SFSWAP: variants seen among roughly 807,000 people sequenced by gnomAD.
The protein encoded by SFSWAP is splicing factor SWAP, also known as splicing factor, suppressor of white-apricot homolog.
SFSWAP carries 17 observed loss-of-function variants against 100.7 expected under a neutral mutation model. The ratio of observed to expected loss-of-function variants is 0.17; its 90% CI spans 0.12 to 0.25. The LOEUF (loss-of-function observed/expected upper bound fraction) is 0.25. Among genes scored for constraint, SFSWAP ranks in the 10% least tolerant of loss-of-function variants. SFSWAP has a pLI of 1.00. For synonymous variants in SFSWAP, 504 were observed against 510.1 expected, an observed-to-expected ratio of 0.99 and a Z score of 0.16; for missense variants, 1,005 against 1,262.6, an observed-to-expected ratio of 0.80 and a Z score of 3.09.
chr12:131,754,573 A>G lies in SFSWAP; in HGVS notation c.1454+74A>G, dbSNP rs1225371841. 4.3e-6 allele frequency: 4 copies of G among 938,008 alleles called. No homozygotes were observed. The East Asian group carries it at 2.2e-4, about 52-fold the overall frequency. The allele number at this position is 938,008 out of a possible 1,614,324, so 58.1% of individuals were successfully genotyped here. A position where few individuals can be genotyped will look rare whatever the true frequency, so the allele number is the denominator to read the frequency against. ...GTTTAGCCTTTTTTTAAAAAAATGT[A>G]GGTACAGAATTAATTTTTTTATATA... On this transcript the variant is annotated intron_variant, in intron 9 of 17. Transcript: ENST00000261674.
At chr12:131,785,818 T>C (rs897551728) in intron 14 of SFSWAP, 1 of 153,146 alleles carries the variant, frequency 6.5e-6, no homozygotes, top group Non-Finnish European at 1.5e-5. Flanking sequence ...CATTTCCAAA[T>C]TGGATTGAAG....
chr12:131,746,831 A>T (rs1566023419), intron 7 of SFSWAP, among the ~76,000 whole-genome samples: 1 of 152,314 alleles, frequency 6.6e-6, no homozygotes, highest in East Asian at 1.9e-4. Flanking sequence ...CTGGCCGGGC[A>T]TGCTGGCTCA....
chr12:131,763,337 G>T (rs1882834962), intron 11 of SFSWAP, among the ~76,000 whole-genome samples: 2 of 152,170 alleles, frequency 1.3e-5, no homozygotes, highest in Non-Finnish European at 2.9e-5. Context: ...GGTGCACTTA[G>T]CATCCCCTTC....
At chr12:131,766,521 C>T (rs575369957) in intron 13 of SFSWAP, among the ~76,000 whole-genome samples, 4 of 152,222 alleles carry the variant, frequency 2.6e-5, no homozygotes, top group Non-Finnish European at 5.9e-5. Flanking sequence ...GTCACGCCAG[C>T]AGCAAACACT....
At position 131,714,229 on chromosome 12, in the gene SFSWAP, A is replaced by C; in HGVS notation, c.377A>C (p.Glu126Ala). 1 of 1,612,628 alleles carries C rather than the reference A, an allele frequency of 6.2e-7. No individual in the cohort carries two copies. Among genetic ancestry groups the C allele is most frequent in the Non-Finnish European group, 8.5e-7 (1 of 1,179,054 alleles). The change falls in exon 2 of 18, where the codon GAG becomes GCG. Residue 126 changes from glutamate (E) to alanine (A), a missense_variant. This residue lies in a region of SFSWAP where 237 missense variants were observed against 337.0 expected (regional missense o/e 0.70). Transcript: ENST00000261674. The surrounding 1 kb of genome is among the most constrained non-coding windows in gnomAD (Gnocchi z 6.0). Reference sequence around the variant, plus strand: ...TTGCATACGGACTTGCTTGAGGAGGAGGCAAGGCAAGGTACTGCTCAAGAC... The same window carrying C: ...TTGCATACGGACTTGCTTGAGGAGGCGGCAAGGCAAGGTACTGCTCAAGAC... The part of the protein sequence containing the change: ...LALHTDLLEE[E>A]ARQEEEYKRL...
intron 14 of SFSWAP, among the ~76,000 whole-genome samples, chr12:131,780,756 C>A (rs1593182927): frequency 6.6e-6 from 1 of 152,326 alleles, no homozygotes; most frequent in South Asian, 2.1e-4. Context: ...AACAAGCCCT[C>A]CTAGTAACCA....
At chr12:131,790,226 C>G (rs1225849090) in intron 15 of SFSWAP, among the ~76,000 whole-genome samples, 13 of 152,206 alleles carry the variant, frequency 8.5e-5, no homozygotes, top group Admixed American at 8.5e-4. Flanking sequence ...GACATTGTCT[C>G]CAGTTTGGCC....
chr12:131,791,441 C>T (rs890486006), intron 15 of SFSWAP, among the ~76,000 whole-genome samples: 1 of 151,724 alleles, frequency 6.6e-6, no homozygotes, highest in African/African-American at 2.4e-5. Context: ...GATGGCTTCA[C>T]CAGTGAATTC....
chr12:131,765,085 A>G (rs1882998582), intron 12 of SFSWAP, among the ~76,000 whole-genome samples: 2 of 152,128 alleles, frequency 1.3e-5, no homozygotes, highest in Admixed American at 1.3e-4. Context: ...CCACAGAACC[A>G]TTGGGCCCTT....
At chr12:131,737,160 C>T (rs1880111249) in intron 7 of SFSWAP, among the ~76,000 whole-genome samples, 1 of 152,250 alleles carries the variant, frequency 6.6e-6, no homozygotes. Flanking sequence ...GGCCAGGGCC[C>T]GAGCGCTGCA....
At chr12:131,728,688 C>T (rs565887496) in intron 7 of SFSWAP, among the ~76,000 whole-genome samples, 1 of 151,980 alleles carries the variant, frequency 6.6e-6, no homozygotes, top group African/African-American at 2.4e-5. Flanking sequence ...AGCTGGCTGC[C>T]TCTGCCCTTC....
chr12:131,745,830 A>G (rs1365900185), intron 7 of SFSWAP, among the ~76,000 whole-genome samples: 1 of 151,890 alleles, frequency 6.6e-6, no homozygotes, highest in African/African-American at 2.4e-5. Context: ...CCATGAAAAC[A>G]ATTTATTCTG....
intron 11 of SFSWAP, among the ~76,000 whole-genome samples, chr12:131,759,346 A>C (rs1470488065): frequency 6.6e-6 from 1 of 152,214 alleles, no homozygotes; most frequent in Admixed American, 6.5e-5. Context: ...TTAAAGGTCA[A>C]GTTAATTCAC....
At chr12:131,719,765 G>A (rs771155415) in intron 4 of SFSWAP, among the ~76,000 whole-genome samples, 1 of 152,238 alleles carries the variant, frequency 6.6e-6, no homozygotes, top group Non-Finnish European at 1.5e-5. Flanking sequence ...GACTTGAGGA[G>A]TTGGGTGTGA....
In SFSWAP at chr12:131,794,243, G is replaced by C. The variant is rs1323250193; in HGVS notation, c.2535-2935G>C. Among the ~76,000 whole-genome samples the C allele has an allele frequency of 6.6e-6, 1 of 151,598 alleles. No individual in the cohort carries two copies. Among genetic ancestry groups the C allele is most frequent in the Non-Finnish European group, 1.5e-5 (1 of 67,918 alleles). Reference sequence around the variant, plus strand: ...AGACATGCTTTGCTGAGCAAAAGCAGCCAGACACAGGCCAGCCACAGTGGC... The same window carrying C: ...AGACATGCTTTGCTGAGCAAAAGCACCCAGACACAGGCCAGCCACAGTGGC... On this transcript the variant is annotated intron_variant, in intron 15 of 17. Transcript: ENST00000261674. The surrounding 1 kb of genome is among the most constrained non-coding windows in gnomAD (Gnocchi z 4.8).
At chr12:131,739,779 G>A (rs905294463) in intron 7 of SFSWAP, among the ~76,000 whole-genome samples, 2 of 151,960 alleles carry the variant, frequency 1.3e-5, no homozygotes, top group African/African-American at 2.4e-5. Flanking sequence ...TCCTGACCTC[G>A]TGATTCACCT....
chr12:131,743,505 C>T (rs540313969), intron 7 of SFSWAP, among the ~76,000 whole-genome samples: 1 of 152,390 alleles, frequency 6.6e-6, no homozygotes, highest in Admixed American at 6.5e-5. Flanking sequence ...CCATGTCTCG[C>T]ATCCAGGTCA....
At chr12:131,750,056 G>A (rs1881481845) in intron 7 of SFSWAP, among the ~76,000 whole-genome samples, 1 of 152,234 alleles carries the variant, frequency 6.6e-6, no homozygotes, top group Non-Finnish European at 1.5e-5. Flanking sequence ...CTGGGCAAGC[G>A]GCAGAAGCCC....
At chr12:131,786,142 A>C (rs1219343330) in intron 14 of SFSWAP, among the ~76,000 whole-genome samples, 1 of 152,048 alleles carries the variant, frequency 6.6e-6, no homozygotes. Flanking sequence ...GCTCATGGGG[A>C]ATTGGTTGCC....
Sources: gnomAD v4.1 joint callset for allele counts (sites outside exome capture counted in the v4.1 genomes callset) on GRCh38, gnomAD v4.1.1 for gene constraint, gnomAD v4.1.1 regional missense constraint, Gnocchi (gnomAD v3.1) non-coding constraint, MANE v1.5 for transcripts, NCBI Gene and HGNC (gene_info 2026-07-23, HGNC 2026-07-21) for gene names.